DPP10: variants seen among roughly 807,000 people sequenced by gnomAD.
DPP10 encodes the protein inactive dipeptidyl peptidase 10.
In DPP10, 33 loss-of-function variants were observed where a neutral mutation model predicts 120.9. The ratio of observed to expected loss-of-function variants is 0.27; its 90% confidence interval spans 0.21 to 0.37. DPP10 has a LOEUF of 0.37. Among genes scored for constraint, DPP10 ranks in the 10% least tolerant of loss-of-function variants. DPP10 has a pLI of 1.00. For synonymous variants in DPP10, 337 were observed against 326.1 expected, an observed-to-expected ratio of 1.03 and a Z score of -0.36; for missense variants, 816 against 942.8, an observed-to-expected ratio of 0.87 and a Z score of 1.76.
intron 3 of DPP10, among the ~76,000 whole-genome samples, chr2:115,371,672 G>T (rs2065420725): frequency 6.6e-6 from 1 of 151,976 alleles, no homozygotes; most frequent in Non-Finnish European, 1.5e-5. Flanking sequence ...ATGCTGTGAT[G>T]TTAATTTCAG....
intron 1 of DPP10, among the ~76,000 whole-genome samples, chr2:114,569,139 T>A (rs534427602): frequency 6.6e-6 from 1 of 152,316 alleles, no homozygotes; most frequent in Admixed American, 6.5e-5. Flanking sequence ...GAGGCCTGGT[T>A]TAGATATGCT....
At chr2:115,270,967 A>C (rs1207124498) in intron 1 of DPP10, among the ~76,000 whole-genome samples, 1 of 152,204 alleles carries the variant, frequency 6.6e-6, no homozygotes, top group Non-Finnish European at 1.5e-5. Context: ...GAAAACAACA[A>C]CACTAAGAAA....
At position 115,500,027 on chromosome 2, in the gene DPP10, A is replaced by G. The variant is rs74333350; in HGVS notation, c.366+423A>G. On this transcript the variant is annotated intron_variant, in intron 4 of 25. Transcript: ENST00000410059. ...TCTGGATCAGATAGAAAGGCTTTCT[A>G]AAGGTGGTCTTCAGCTGAGGTTGAT... Among the ~76,000 whole-genome samples, 1,128 of 152,050 alleles carry G rather than the reference A, an allele frequency of 7.4e-3. 6 individuals carry two copies. The highest frequency in any genetic ancestry group is 0.025 in the African/African-American group (1,033 of 41,528).
chr2:114,476,426 T>C (rs1233111895), intron 1 of DPP10, among the ~76,000 whole-genome samples: 3 of 152,196 alleles, frequency 2.0e-5, no homozygotes, highest in Non-Finnish European at 4.4e-5. Context: ...CCATTTTCTC[T>C]CTATTAGAAA....
At chr2:115,746,342 T>C (rs1677972888) in intron 10 of DPP10, among the ~76,000 whole-genome samples, 159 bp downstream of exon 10, 1 of 152,210 alleles carries the variant, frequency 6.6e-6, no homozygotes, top group South Asian at 2.1e-4. Flanking sequence ...ATTCTCGGTC[T>C]CTGGCTGTTC....
At chr2:115,163,770 C>G (rs1387557713) in intron 1 of DPP10, among the ~76,000 whole-genome samples, 1 of 152,150 alleles carries the variant, frequency 6.6e-6, no homozygotes, top group African/African-American at 2.4e-5. Flanking sequence ...GCTCACTAAC[C>G]TGTGACACCA....
At chr2:115,033,281 C>T (rs1559016852) in intron 1 of DPP10, among the ~76,000 whole-genome samples, 1 of 152,112 alleles carries the variant, frequency 6.6e-6, no homozygotes, top group Non-Finnish European at 1.5e-5. Flanking sequence ...TGAGATAACG[C>T]TTTGTTATAT....
At chr2:114,737,434 G>A (rs1331205827) in intron 1 of DPP10, among the ~76,000 whole-genome samples, 3 of 152,188 alleles carry the variant, frequency 2.0e-5, no homozygotes, top group Non-Finnish European at 4.4e-5. Context: ...ATTTCTGCAG[G>A]AGAGAGAAAT....
chr2:115,127,360 T>C (rs2050131091), intron 1 of DPP10, among the ~76,000 whole-genome samples: 3 of 152,220 alleles, frequency 2.0e-5, no homozygotes, highest in Non-Finnish European at 2.9e-5. Flanking sequence ...CTGCCAACTC[T>C]GGGCCCAATT....
At chr2:114,732,252 G>A (rs962723010) in intron 1 of DPP10, among the ~76,000 whole-genome samples, 1 of 152,176 alleles carries the variant, frequency 6.6e-6, no homozygotes, top group African/African-American at 2.4e-5. Flanking sequence ...TTGCAGTTAA[G>A]AAAACAGGAA....
chr2:115,433,095 C>T (rs1178523463), intron 3 of DPP10, among the ~76,000 whole-genome samples: 1 of 151,972 alleles, frequency 6.6e-6, no homozygotes, highest in East Asian at 1.9e-4. Flanking sequence ...TGCTTGAGAG[C>T]CCACATCATT....
chr2:115,300,294 C>T (rs1401680955), intron 1 of DPP10, among the ~76,000 whole-genome samples: 2 of 152,056 alleles, frequency 1.3e-5, no homozygotes, highest in Admixed American at 6.6e-5. Context: ...GACTACTCGA[C>T]GCACGTCGTT....
chr2:115,670,211 G>A (rs1011474613), intron 5 of DPP10, among the ~76,000 whole-genome samples: 1 of 151,946 alleles, frequency 6.6e-6, no homozygotes, highest in African/African-American at 2.4e-5. Context: ...ATCTCTCAAA[G>A]GCCCCATATC....
At chr2:115,596,453 C>T (rs1359952766) in intron 5 of DPP10, among the ~76,000 whole-genome samples, 12 of 151,896 alleles carry the variant, frequency 7.9e-5, no homozygotes, top group Non-Finnish European at 2.9e-5. Flanking sequence ...AGTAATGAAA[C>T]ATCATATGTG....
intron 5 of DPP10, among the ~76,000 whole-genome samples, chr2:115,628,019 GCATTTCTGGTTCTAGAAATGC>G (rs199873819): frequency 0.15 from 22,921 of 151,702 alleles, 2,735 homozygotes; most frequent in African/African-American, 0.33. Flanking sequence ...TAGTCAAATG[GCATTTCTGGTTCTAGAAATGC>G]CATTTCTGGT....
At chr2:115,799,220 C>T (rs1051535661) in intron 19 of DPP10, among the ~76,000 whole-genome samples, 12 of 151,906 alleles carry the variant, frequency 7.9e-5, no homozygotes, top group Admixed American at 2.0e-4. Flanking sequence ...ACATAATCTC[C>T]CTGTTTTTCA....
chr2:114,593,255 A>T (rs77291547), intron 1 of DPP10, among the ~76,000 whole-genome samples: 3,261 of 152,276 alleles, frequency 0.021, 51 homozygotes, highest in Non-Finnish European at 0.029. Context: ...GAACGGTAAT[A>T]TAGAAACTGT....
In DPP10 at chr2:115,648,700, A is replaced by G. The variant is rs61428950; in HGVS notation, c.442-40987A>G. 3.0e-3 allele frequency among the ~76,000 whole-genome samples: 453 copies of G among 152,214 alleles called. 1 individual carries two copies. The highest frequency in any genetic ancestry group is 0.01 in the African/African-American group (425 of 41,550). Reference sequence around the variant, plus strand: ...AACTTAGCCTAGGGTATTCTAGGTAATTTACATAGATTATCCCAAGGGAGG... The same window carrying G: ...AACTTAGCCTAGGGTATTCTAGGTAGTTTACATAGATTATCCCAAGGGAGG... On this transcript the variant is annotated intron_variant, in intron 5 of 25. Coordinates refer to ENST00000410059, the MANE Select transcript of DPP10 (RefSeq NM_020868.6).
At chr2:114,522,171 A>T (rs920906163) in intron 1 of DPP10, among the ~76,000 whole-genome samples, 2 of 150,150 alleles carry the variant, frequency 1.3e-5, no homozygotes, top group Non-Finnish European at 3.0e-5. Context: ...TTTTTAGTAG[A>T]GACGGGGTTT....
Sources: gnomAD v4.1 joint callset for allele counts (sites outside exome capture counted in the v4.1 genomes callset) on GRCh38, gnomAD v4.1.1 for gene constraint, MANE v1.5 for transcripts, NCBI Gene and HGNC (gene_info 2026-07-23, HGNC 2026-07-21) for gene names.